LRIG1: variants seen among roughly 807,000 people sequenced by gnomAD.
LRIG1 encodes the protein leucine-rich repeats and immunoglobulin-like domains protein 1.
Under a neutral mutation model 99.2 loss-of-function variants are expected in LRIG1, and 48 were observed. The ratio of observed to expected loss-of-function variants is 0.48; its 90% confidence interval spans 0.38 to 0.62. LRIG1 has a LOEUF of 0.62. Ranked by LOEUF, LRIG1 falls within the 20% of genes least tolerant of loss-of-function variation. LRIG1 has a pLI of 0.00. For missense variants in LRIG1, 1,646 were observed against 1,434.4 expected (o/e 1.15, Z -2.38); for synonymous variants, 772 against 596.1 (o/e 1.29, Z -4.30).
At chr3:66,382,524 A>C in intron 15 of LRIG1, 126 bp from the exon 16 acceptor site, 1 of 1,095,916 alleles carries the variant, frequency 9.1e-7, no homozygotes, top group South Asian at 1.4e-5. Context: ...CAGAGAGATG[A>C]CATGGAGTCC....
chr3:66,381,497 G>T lies in LRIG1; in HGVS notation c.2752C>A (p.Pro918Thr), dbSNP rs1433811721. 1.9e-6 allele frequency: 3 copies of T among 1,613,604 alleles called. No homozygotes were observed. Among genetic ancestry groups the T allele is most frequent in the Non-Finnish European group, 2.5e-6 (3 of 1,179,574 alleles). ...WKAMEKAEGT[P>T]GPHKMEHGGR... ...CTCATACCCATCTTATGTGGCCCAGGTGTCCCTTCAGCTTTCTCCATCGCT... is the reference window on the plus strand; with the variant it reads ...CTCATACCCATCTTATGTGGCCCAGTTGTCCCTTCAGCTTTCTCCATCGCT... The change falls in exon 17 of 19, where the codon CCT becomes ACT. Residue 918 changes from proline to threonine, a missense_variant. Physicochemically the swap from Pro to Thr is conservative, Grantham distance 38. Transcript: ENST00000273261.
chr3:66,438,611 T>C (rs17044547), intron 3 of LRIG1, among the ~76,000 whole-genome samples: 7,469 of 152,278 alleles, frequency 0.049, 535 homozygotes, highest in African/African-American at 0.16. Context: ...GAAAAGGCCC[T>C]GTACACTCCA....
intron 12 of LRIG1, chr3:66,388,014 G>A (rs1701461819): frequency 6.9e-6 from 1 of 144,388 alleles, no homozygotes; most frequent in Non-Finnish European, 1.5e-5. Context: ...GGCCGAGGCA[G>A]GAGAATGGCA....
At chr3:66,472,892 G>A (rs1700636559) in intron 1 of LRIG1, among the ~76,000 whole-genome samples, 1 of 151,952 alleles carries the variant, frequency 6.6e-6, no homozygotes, top group African/African-American at 2.4e-5. Flanking sequence ...GACATTTTGG[G>A]CCTTTTTAAC....
Position 66,413,031 on chromosome 3 carries a change from A to T in LRIG1, c.648-17T>A, listed in dbSNP as rs1702519086. 6.2e-6 allele frequency: 10 copies of T among 1,614,158 alleles called. No individual in the cohort carries two copies. Among genetic ancestry groups the T allele is most frequent in the Non-Finnish European group, 8.5e-6 (10 of 1,179,980 alleles). On this transcript the variant is annotated splice_polypyrimidine_tract_variant and intron_variant, in intron 5 of 18. Coordinates refer to ENST00000273261, the MANE Select transcript of LRIG1 (RefSeq NM_015541.3). ...TTGAGGTCCCTAAAGAGATGAAGCC[A>T]GCAGGGTCAGAGTGTCTTATGTGCA...
chr3:66,407,424 C>A lies in LRIG1; in HGVS notation c.1003G>T (p.Val335Phe). 1 of 1,614,034 alleles carries A rather than the reference C, an allele frequency of 6.2e-7. No individual in the cohort carries two copies. The highest frequency in any genetic ancestry group is 1.1e-5 in the South Asian group (1 of 91,086). The part of the protein sequence containing the change: ...ESLAELSSLS[V>F]LRLSHNSISH... ...ATGGAATTGTGGCTGAGACGCAGGACACTCAGGCTGCTCAGCTCGGCCAGG... is the reference window on the plus strand; with the variant it reads ...ATGGAATTGTGGCTGAGACGCAGGAAACTCAGGCTGCTCAGCTCGGCCAGG... Residue 335 changes from valine to phenylalanine, a missense_variant, in exon 8 of 19, where the codon GTC becomes TTC. Val to Phe is a conservative substitution (Grantham distance 50). Transcript: ENST00000273261.
chr3:66,460,003 G>A (rs1700320277), intron 2 of LRIG1, among the ~76,000 whole-genome samples: 1 of 151,324 alleles, frequency 6.6e-6, no homozygotes, highest in African/African-American at 2.4e-5. Flanking sequence ...CATTCATTTT[G>A]ACTTTCAAAA....
In LRIG1 at chr3:66,380,704, TGGAGAATGCTCTTGGTCACTC is replaced by T. The variant is rs1559761867; in HGVS notation, c.2907_2927del (p.Ser970_Pro976del). 5 of 1,614,216 alleles carry T rather than the reference TGGAGAATGCTCTTGGTCACTC, an allele frequency of 3.1e-6. No individual in the cohort carries two copies. The South Asian group carries it at 5.5e-5, about 18-fold the overall frequency. Reference sequence around the variant, plus strand: ...CGGCAGTCCTGCTGCACTGGTGATGTGGAGAATGCTCTTGGTCACTCCCACCCGGCTCCGGGCCATTTGGCG... The same window carrying T: ...CGGCAGTCCTGCTGCACTGGTGATGTCCACCCGGCTCCGGGCCATTTGGCG... On this transcript the variant is annotated inframe_deletion, in exon 18 of 19. Coordinates refer to ENST00000273261, the MANE Select transcript of LRIG1 (RefSeq NM_015541.3).
chr3:66,382,454 C>G, intron 15 of LRIG1, 56 bp from the exon 16 acceptor site: 2 of 1,602,236 alleles, frequency 1.2e-6, no homozygotes, highest in Non-Finnish European at 1.7e-6. Flanking sequence ...GAAATGCAGA[C>G]ACACGTTCAC....
At position 66,383,145 on chromosome 3, in the gene LRIG1, G is replaced by A. The variant is rs140644137; in HGVS notation, c.2328C>T (p.Ser776=). 2 of 1,614,142 alleles carry A rather than the reference G, an allele frequency of 1.2e-6. No homozygotes were observed. Among genetic ancestry groups the A allele is most frequent in the Non-Finnish European group, 8.5e-7 (1 of 1,180,060 alleles). Residue 776 remains serine, a synonymous_variant, in exon 15 of 19, where the codon AGC becomes AGT. Coordinates refer to ENST00000273261, the MANE Select transcript of LRIG1 (RefSeq NM_015541.3). The part of the protein sequence containing the change: ...SNTLGTERAH[S]QLSVLPAAGC... Reference sequence around the variant, plus strand: ...CTGCTGCGGGCAGGACGCTCAGCTGGCTGTGAGCTCGCTCCGTGCCCAGGG... The same window carrying A: ...CTGCTGCGGGCAGGACGCTCAGCTGACTGTGAGCTCGCTCCGTGCCCAGGG...
intron 12 of LRIG1, among the ~76,000 whole-genome samples, chr3:66,393,572 G>C (rs1701711202): frequency 6.6e-6 from 1 of 152,216 alleles, no homozygotes; most frequent in Admixed American, 6.5e-5. Context: ...CAGTGGTTTG[G>C]AGAAACAGCA....
intron 2 of LRIG1, among the ~76,000 whole-genome samples, chr3:66,452,101 A>G (rs1703924173): frequency 6.6e-6 from 1 of 152,154 alleles, no homozygotes; most frequent in East Asian, 1.9e-4. Context: ...GGGGCCAATT[A>G]TTTCAGTGCC....
At chr3:66,499,127 C>T (rs1482988729) in intron 1 of LRIG1, among the ~76,000 whole-genome samples, 2 of 152,134 alleles carry the variant, frequency 1.3e-5, no homozygotes, top group Non-Finnish European at 2.9e-5. Context: ...TGCTAATTAC[C>T]CATAACTGAA....
chr3:66,415,422 A>G (rs1321856632), intron 4 of LRIG1, among the ~76,000 whole-genome samples: 2 of 152,210 alleles, frequency 1.3e-5, no homozygotes, highest in East Asian at 3.8e-4. Flanking sequence ...CCCAGTGCCC[A>G]AGGTTGACGT....
At chr3:66,386,334 G>C (rs1701373283) in intron 12 of LRIG1, 33 bp from the exon 13 acceptor site, 3 of 1,581,100 alleles carry the variant, frequency 1.9e-6, no homozygotes, top group Non-Finnish European at 2.6e-6. Context: ...TAAAGCGCTG[G>C]GTTCTTGGTA....
At chr3:66,486,243 T>C (rs1700971852) in intron 1 of LRIG1, among the ~76,000 whole-genome samples, 1 of 152,142 alleles carries the variant, frequency 6.6e-6, no homozygotes, top group Admixed American at 6.5e-5. Context: ...AATATTTCAT[T>C]TTTTTCCTTA....
intron 3 of LRIG1, among the ~76,000 whole-genome samples, chr3:66,428,037 T>C (rs1030574255): frequency 2.8e-4 from 43 of 152,254 alleles, no homozygotes; most frequent in African/African-American, 1.0e-3. Context: ...CTTTCTATTG[T>C]TGACGGACAT....
chr3:66,401,975 A>G (rs893369481), intron 9 of LRIG1, among the ~76,000 whole-genome samples: 1 of 152,116 alleles, frequency 6.6e-6, no homozygotes, highest in Non-Finnish European at 1.5e-5. Flanking sequence ...CATGTGCACT[A>G]GCCCCCGCTT....
intron 3 of LRIG1, among the ~76,000 whole-genome samples, chr3:66,428,073 GC>G (rs1316810823): frequency 6.6e-6 from 1 of 152,100 alleles, no homozygotes; most frequent in Admixed American, 6.6e-5. Context: ...TCAGGCTATT[GC>G]AAAAATCACA....
Sources: allele counts gnomAD v4.1 joint callset (sites outside exome capture counted in the v4.1 genomes callset), GRCh38; gene constraint gnomAD v4.1.1; transcripts MANE v1.5; gene names NCBI Gene and HGNC (gene_info 2026-07-23, HGNC 2026-07-21).